The following SOX6 variants were observed in gnomAD, a reference collection of about 807,000 sequenced individuals.
SOX6 encodes the protein SRY-box transcription factor 6.
Under a neutral mutation model 97.8 loss-of-function variants are expected in SOX6, and 11 were observed. That is an observed-to-expected ratio of 0.11 (90% confidence interval 0.07 to 0.19). The LOEUF (loss-of-function observed/expected upper bound fraction) is 0.19. Ranked by LOEUF, SOX6 falls within the 10% of genes least tolerant of loss-of-function variation. The pLI is 1.00. For synonymous variants in SOX6, 360 were observed against 371.4 expected (o/e 0.97, Z 0.35); for missense variants, 810 against 1,039.5 (o/e 0.78, Z 3.04).
chr11:16,269,803 A>G (rs1162989720), intron 3 of SOX6: 1 of 151,184 alleles, frequency 6.6e-6, no homozygotes, highest in Non-Finnish European at 1.5e-5. Context: ...CCACGGAAGA[A>G]TTTTTCTTTT....
At chr11:16,052,311 GGGAAATA>G (rs1353006987) in intron 10 of SOX6, among the ~76,000 whole-genome samples, 25 of 152,030 alleles carry the variant, frequency 1.6e-4, no homozygotes, top group African/African-American at 5.6e-4. Context: ...CTGGTAGAAG[GGGAAATA>G]ACAATAGCCC....
chr11:16,088,838 T>C (rs940749842), intron 9 of SOX6, among the ~76,000 whole-genome samples: 5 of 152,186 alleles, frequency 3.3e-5, no homozygotes, highest in Admixed American at 1.3e-4. Context: ...CACTGTAGGC[T>C]TGCACTTTGT....
At chr11:15,999,870 T>C (rs1376868976) in intron 13 of SOX6, among the ~76,000 whole-genome samples, 1 of 152,160 alleles carries the variant, frequency 6.6e-6, no homozygotes, top group East Asian at 1.9e-4. Flanking sequence ...CACAATACAT[T>C]TGATAGTCCC....
intron 4 of SOX6, among the ~76,000 whole-genome samples, chr11:16,606,481 C>T (rs1848335540): frequency 6.6e-6 from 1 of 152,204 alleles, no homozygotes; most frequent in South Asian, 2.1e-4. Flanking sequence ...GATGACTACA[C>T]ACGCAGCCAC....
chr11:16,475,012 C>T (rs529638736), intron 1 of SOX6, among the ~76,000 whole-genome samples: 1 of 152,298 alleles, frequency 6.6e-6, no homozygotes, highest in South Asian at 2.1e-4. Context: ...AAGGAGACTG[C>T]TATTTTCCTT....
intron 1 of SOX6, among the ~76,000 whole-genome samples, chr11:16,380,285 G>A (rs979362737): frequency 3.9e-5 from 6 of 152,026 alleles, no homozygotes; most frequent in Non-Finnish European, 5.9e-5. Context: ...AAAACAGCAT[G>A]TGCAATAAGA....
chr11:16,406,081 G>T (rs920841196), intron 1 of SOX6, among the ~76,000 whole-genome samples: 4 of 151,890 alleles, frequency 2.6e-5, no homozygotes, highest in African/African-American at 9.7e-5. Context: ...TATACTTTAG[G>T]TTAATATATG....
intron 11 of SOX6, among the ~76,000 whole-genome samples, chr11:16,048,597 A>T (rs1847604576): frequency 6.6e-6 from 1 of 152,218 alleles, no homozygotes; most frequent in Non-Finnish European, 1.5e-5. Flanking sequence ...AAGCATAATA[A>T]TATACTATCT....
At chr11:16,608,050 GAA>G (rs1848356440) in intron 4 of SOX6, among the ~76,000 whole-genome samples, 1 of 152,032 alleles carries the variant, frequency 6.6e-6, no homozygotes, top group Non-Finnish European at 1.5e-5. Context: ...AGGAGACAAA[GAA>G]GAGAGAAAGT....
At chr11:16,556,810 C>T (rs1167713146) in intron 4 of SOX6, among the ~76,000 whole-genome samples, 1 of 151,750 alleles carries the variant, frequency 6.6e-6, no homozygotes, top group Non-Finnish European at 1.5e-5. Flanking sequence ...ATACGGAAGG[C>T]ACAAATTTTA....
At chr11:16,269,710 G>A (rs1160368982) in intron 3 of SOX6, among the ~76,000 whole-genome samples, 1 of 150,832 alleles carries the variant, frequency 6.6e-6, no homozygotes, top group Non-Finnish European at 1.5e-5. Flanking sequence ...ACGGCAAATG[G>A]TGTTTTTTCT....
chr11:16,449,361 C>G (rs534833801), intron 1 of SOX6, among the ~76,000 whole-genome samples: 3 of 133,472 alleles, frequency 2.2e-5, no homozygotes, highest in Non-Finnish European at 4.6e-5. Flanking sequence ...GGAGCCATCT[C>G]GGCTCACTGC....
Position 16,373,115 on chromosome 11 carries a change from A to C in SOX6, c.-4-31863T>G, listed in dbSNP as rs1340674453. 2.0e-5 allele frequency among the ~76,000 whole-genome samples: 3 copies of C among 152,120 alleles called. No individual in the cohort carries two copies. The East Asian group carries it at 5.8e-4, about 29-fold the overall frequency. ...TAATAGTGTGTTAGTATATGAATAC[A>C]TATACTTCTATAAGCAACAGTGCAC... On this transcript the variant is annotated intron_variant, in intron 1 of 15. Transcript: ENST00000396356.
intron 4 of SOX6, among the ~76,000 whole-genome samples, chr11:16,550,980 G>A (rs543693649): frequency 2.0e-5 from 3 of 152,094 alleles, no homozygotes; most frequent in Non-Finnish European, 4.4e-5. Context: ...CACTTTGGGC[G>A]GCTTAGGTGG....
At chr11:16,374,605 C>T (rs1857593453) in intron 1 of SOX6, among the ~76,000 whole-genome samples, 1 of 151,868 alleles carries the variant, frequency 6.6e-6, no homozygotes, top group South Asian at 2.1e-4. Context: ...AAACACATGC[C>T]ACAATATGAT....
At chr11:16,120,534 T>C (rs1339615595) in intron 6 of SOX6, among the ~76,000 whole-genome samples, 1 of 148,748 alleles carries the variant, frequency 6.7e-6, no homozygotes, top group African/African-American at 2.5e-5. Context: ...ATGTTTTAGT[T>C]AAAACATTAA....
At chr11:16,387,478 T>A (rs751634088) in intron 1 of SOX6, among the ~76,000 whole-genome samples, 9 of 152,004 alleles carry the variant, frequency 5.9e-5, no homozygotes, top group Non-Finnish European at 1.2e-4. Flanking sequence ...AGATAAAAGC[T>A]GAAGAACCAG....
intron 4 of SOX6, among the ~76,000 whole-genome samples, chr11:16,545,370 C>T (rs1298525854): frequency 6.7e-6 from 1 of 149,584 alleles, no homozygotes; most frequent in Non-Finnish European, 1.5e-5. Context: ...GAACCCACAT[C>T]TCAATAGACA....
chr11:16,726,324 C>T (rs1848306284), intron 2 of SOX6, among the ~76,000 whole-genome samples: 1 of 152,144 alleles, frequency 6.6e-6, no homozygotes, highest in Non-Finnish European at 1.5e-5. Context: ...GGCTGGGGCA[C>T]AAGAATCGCT....
Sources: gnomAD v4.1 joint callset for allele counts (sites outside exome capture counted in the v4.1 genomes callset) on GRCh38, gnomAD v4.1.1 for gene constraint, MANE v1.5 for transcripts, NCBI Gene and HGNC (gene_info 2026-07-23, HGNC 2026-07-21) for gene names.